Variants in P2RX3 observed in about 807,000 individuals in gnomAD.
P2RX3 encodes the protein P2X purinoceptor 3.
P2RX3 carries 41 observed loss-of-function variants against 51.5 expected under a neutral mutation model. The observed-to-expected ratio is 0.80, with a 90% CI of 0.62 to 1.03. The LOEUF (loss-of-function observed/expected upper bound fraction) is 1.03, where lower values mean the gene tolerates loss of function less well. Ranked by LOEUF, P2RX3 falls within the 50% of genes least tolerant of loss-of-function variation. P2RX3 has a pLI of 0.00. For missense variants in P2RX3, 459 were observed against 522.1 expected, an observed-to-expected ratio of 0.88 and a Z score of 1.18; for synonymous variants, 185 against 191.6, an observed-to-expected ratio of 0.97 and a Z score of 0.29.
At chr11:57,350,203 A>T in intron 7 of P2RX3, 1 of 385,150 alleles carries the variant, frequency 2.6e-6, no homozygotes, top group East Asian at 4.7e-5. Flanking sequence ...GGGAAAGTAG[A>T]CCTGTGGCCA....
At chr11:57,359,982 A>G (rs1431791038) in intron 8 of P2RX3, among the ~76,000 whole-genome samples, 1 of 152,166 alleles carries the variant, frequency 6.6e-6, no homozygotes, top group African/African-American at 2.4e-5. Context: ...CATTTTACAG[A>G]TGGAAAAACA....
In P2RX3 at chr11:57,350,851, C is replaced by A. The variant is rs766184767; in HGVS notation, c.795C>A (p.Leu265=). The A allele has an allele frequency of 5.0e-6, 8 of 1,614,102 alleles. No individual in the cohort carries two copies. The highest frequency in any genetic ancestry group is 1.7e-5 in the Admixed American group (1 of 60,006). The change falls in exon 8 of 12, where the codon CTC becomes CTA. Residue 265 remains leucine (L), a synonymous_variant. Coordinates refer to ENST00000263314, the MANE Select transcript of P2RX3 (RefSeq NM_002559.5). The part of the protein sequence containing the change: ...QCIPKYSFTR[L]DSVSEKSSVS... ...TCCCCAAATACTCCTTCACCCGGCT[C>A]GACAGCGTTTCTGAGAAAAGCAGCG...
intron 8 of P2RX3, among the ~76,000 whole-genome samples, chr11:57,366,746 G>T (rs1262289201): frequency 1.3e-5 from 2 of 152,132 alleles, no homozygotes; most frequent in Non-Finnish European, 1.5e-5. Flanking sequence ...CTACTGGTGG[G>T]GACTGCAGTC....
In P2RX3 at chr11:57,342,242, C is replaced by A. The variant is rs372707866; in HGVS notation, c.119+3573C>A. Among the ~76,000 whole-genome samples the A allele has an allele frequency of 2.7e-5, 4 of 147,186 alleles. No individual in the cohort carries two copies. The South Asian group carries it at 8.9e-4, about 33-fold the overall frequency. ...TGGTGCAATCTCGACTCACTGCAACCTCCGCCTCCTGGGTTGAAGCGACTC... is the reference window on the plus strand; with the variant it reads ...TGGTGCAATCTCGACTCACTGCAACATCCGCCTCCTGGGTTGAAGCGACTC... On this transcript the variant is annotated intron_variant, in intron 1 of 11. Transcript: ENST00000263314.
chr11:57,348,608 C>T lies in P2RX3; in HGVS notation c.486-19C>T, dbSNP rs775895044. 1.3e-5 allele frequency: 21 copies of T among 1,605,502 alleles called. No individual in the cohort carries two copies. Among genetic ancestry groups the T allele is most frequent in the Non-Finnish European group, 1.8e-5 (21 of 1,172,504 alleles). ...CCTCTTCTTCCTGGAAAGCTAAGGC[C>T]TCCTGTGCTCACCCACAGGCCCATC... On this transcript the variant is annotated intron_variant, in intron 5 of 11. Transcript: ENST00000263314.
At chr11:57,366,191 C>G (rs1397309494) in intron 8 of P2RX3, among the ~76,000 whole-genome samples, 8 of 152,128 alleles carry the variant, frequency 5.3e-5, no homozygotes, top group South Asian at 2.1e-4. Flanking sequence ...GAGTTTGGCC[C>G]GTGATGAGCA....
intron 5 of P2RX3, 87 bp downstream of exon 5, chr11:57,348,350 G>C (rs1856481167): frequency 2.4e-6 from 3 of 1,274,432 alleles, no homozygotes; most frequent in South Asian, 1.4e-5. Flanking sequence ...CTGAGCTTGA[G>C]GAGGGTCTGT....
chr11:57,341,358 ACT>A (rs2079838462), intron 1 of P2RX3, among the ~76,000 whole-genome samples: 1 of 152,084 alleles, frequency 6.6e-6, no homozygotes, highest in African/African-American at 2.4e-5. Context: ...AACAACCTAG[ACT>A]CTGCCTAACA....
intron 8 of P2RX3, among the ~76,000 whole-genome samples, chr11:57,361,576 G>C (rs372937042): frequency 1.3e-5 from 2 of 152,166 alleles, no homozygotes; most frequent in South Asian, 4.1e-4. Context: ...AGTTTGCTGA[G>C]GATGATGGCT....
rs1856434952 is a variant in P2RX3, at chr11:57,346,549, T to C, written c.125T>C (p.Val42Ala). 6.2e-7 allele frequency: 1 copy of C among 1,613,704 alleles called. No individual in the cohort carries two copies. Among genetic ancestry groups the C allele is most frequent in the Admixed American group, 1.7e-5 (1 of 59,956 alleles). ...LLIISYFVGW[V>A]FLHEKAYQVR... ...TTTATGCTCTCCTGCCCCAGGTGGG[T>C]TTTCTTGCACGAGAAGGCTTACCAG... The change falls in exon 2 of 12, where the codon GTT becomes GCT. Residue 42 changes from valine (V) to alanine (A), a missense_variant. Physicochemically the swap from Val to Ala is moderately conservative, Grantham distance 64. Transcript: ENST00000263314.
In P2RX3 at chr11:57,368,053, C is replaced by A. The variant is rs1384393720; in HGVS notation, c.887C>A (p.Thr296Asn). Residue 296 changes from threonine to asparagine, a missense_variant, in exon 9 of 12, where the codon ACC becomes AAC. By Grantham distance (65) the Thr-to-Asn change is moderately conservative. Transcript: ENST00000263314. The part of the protein sequence containing the change: ...YKMENGSEYR[T>N]LLKAFGIRFD... ...ATGGAAAATGGCAGTGAGTACCGCA[C>A]CCTCCTGAAGGCTTTTGGCATCCGC... The A allele has an allele frequency of 6.8e-6, 11 of 1,614,188 alleles. No homozygotes were observed. Among genetic ancestry groups the A allele is most frequent in the African/African-American group, 1.3e-5 (1 of 75,052 alleles).
Position 57,350,773 on chromosome 11 carries a change from G to A in P2RX3, c.717G>A (p.Leu239=). Residue 239 remains leucine (L), a synonymous_variant, in exon 8 of 12, where the codon CTG becomes CTA. Transcript: ENST00000263314. ...GCCCGTTTCTTCAGGGGGGAGTTCT[G>A]GGCATTAAGATCGGCTGGGTGTGCG... is the stretch of plus-strand genomic sequence containing the variant. The part of the protein sequence containing the change: ...FAKLARTGGV[L]GIKIGWVCDL... 6.2e-7 allele frequency: 1 copy of A among 1,613,822 alleles called. No homozygotes were observed. The highest frequency in any genetic ancestry group is 8.5e-7 in the Non-Finnish European group (1 of 1,179,944).
At chr11:57,353,937 A>G (rs1264993412) in intron 8 of P2RX3, among the ~76,000 whole-genome samples, 1 of 149,916 alleles carries the variant, frequency 6.7e-6, no homozygotes, top group Non-Finnish European at 1.5e-5. Flanking sequence ...CACCCAGAGT[A>G]AGGCGGTCAC....
intron 7 of P2RX3, chr11:57,350,296 CTTTT>C (rs1183553337): frequency 2.0e-4 from 22 of 108,820 alleles, no homozygotes; most frequent in South Asian, 6.7e-4. Flanking sequence ...GAGCCACAAC[CTTTT>C]TTTTTTTTTT....
intron 8 of P2RX3, among the ~76,000 whole-genome samples, chr11:57,358,202 T>C (rs1254788782): frequency 6.6e-6 from 1 of 152,254 alleles, no homozygotes; most frequent in Non-Finnish European, 1.5e-5. Context: ...GTTAGAGCTA[T>C]CCAAAGCTAA....
chr11:57,360,062 A>G (rs1419284694), intron 8 of P2RX3, among the ~76,000 whole-genome samples: 2 of 152,194 alleles, frequency 1.3e-5, no homozygotes, highest in Non-Finnish European at 2.9e-5. Flanking sequence ...GCCCAGGACT[A>G]TCTCATTTCA....
intron 1 of P2RX3, among the ~76,000 whole-genome samples, chr11:57,346,131 G>A (rs1441838820): frequency 6.6e-6 from 1 of 152,230 alleles, no homozygotes; most frequent in Non-Finnish European, 1.5e-5. Flanking sequence ...GTGCCTGCCA[G>A]AGAAGTGGCC....
At chr11:57,368,195 C>T in intron 9 of P2RX3, 93 bp downstream of exon 9, 1 of 1,397,936 alleles carries the variant, frequency 7.2e-7, no homozygotes, top group Non-Finnish European at 1.0e-6. Context: ...GGGCAGGGGT[C>T]TGCTGCTGGC....
chr11:57,363,101 A>G (rs1856745643), intron 8 of P2RX3, among the ~76,000 whole-genome samples: 1 of 152,190 alleles, frequency 6.6e-6, no homozygotes. Context: ...TGACCTTCCC[A>G]AGATCAAGAA....
Sources: allele counts gnomAD v4.1 joint callset (sites outside exome capture counted in the v4.1 genomes callset), GRCh38; gene constraint gnomAD v4.1.1; transcripts MANE v1.5; gene names NCBI Gene and HGNC (gene_info 2026-07-23, HGNC 2026-07-21).